Variants in HSBP1 observed in about 807,000 individuals in gnomAD.
The protein encoded by HSBP1 is heat shock factor-binding protein 1.
A neutral mutation model predicts 9.6 loss-of-function variants in HSBP1; 5 were observed. The ratio of observed to expected loss-of-function variants is 0.52; its 90% confidence interval spans 0.27 to 1.09. The LOEUF is 1.09. Among genes scored for constraint, HSBP1 ranks in the 50% least tolerant of loss-of-function variants. HSBP1 has a pLI of 0.11. For missense variants in HSBP1, 121 were observed against 96.3 expected (o/e 1.26, Z -1.07); for synonymous variants, 42 against 33.3 (o/e 1.26, Z -0.90).
rs796984186 is a variant in HSBP1, at chr16:83,819,285, AT to A, written c.*7872del. The A allele has an allele frequency of 8.5e-5, 13 of 152,252 alleles. No homozygotes were observed. The highest frequency in any genetic ancestry group is 3.1e-4 in the African/African-American group (13 of 41,556). 9.4% of individuals were successfully genotyped at this position (152,252 alleles called of 1,614,324 possible). On this transcript the variant is annotated 3_prime_UTR_variant, in exon 4 of 4. Coordinates refer to ENST00000433866, the MANE Select transcript of HSBP1 (RefSeq NM_001537.4). ...TTTTTAATAAATTCCCTCATTTATT[AT>A]TTTTGTGTCTTATTTCCCATACACA...
rs1007449642 is a variant in HSBP1 at position 83,812,380 on chromosome 16, A to G, written c.*962A>G. 1.3e-4 allele frequency: 20 copies of G among 152,196 alleles called. No individual in the cohort carries two copies. The highest frequency in any genetic ancestry group is 4.6e-4 in the African/African-American group (19 of 41,432). 9.4% of individuals were successfully genotyped at this position (152,196 alleles called of 1,614,324 possible). ...CTGTTTCTTATCTAAATTCTTGCAG[A>G]GTGTCAATGTTATCATTGATTATAG... On this transcript the variant is annotated 3_prime_UTR_variant, in exon 4 of 4. Transcript: ENST00000433866.
At chr16:83,808,172 G>C (rs1020598457) in intron 1 of HSBP1, 51 bp downstream of exon 1, 1 of 1,496,324 alleles carries the variant, frequency 6.7e-7, no homozygotes, top group East Asian at 2.5e-5. Context: ...GGGCGGCGCC[G>C]GGCCAAGCCC....
At position 83,814,820 on chromosome 16, in the gene HSBP1, T is replaced by A. The variant is rs1355589537; in HGVS notation, c.*3402T>A. On this transcript the variant is annotated 3_prime_UTR_variant, in exon 4 of 4. Coordinates refer to ENST00000433866, the MANE Select transcript of HSBP1 (RefSeq NM_001537.4). ...AGAACAACAACAGAAACAAATGACATTCCTCAAACATTTGCCCAGAGCACA... is the reference window on the plus strand; with the variant it reads ...AGAACAACAACAGAAACAAATGACAATCCTCAAACATTTGCCCAGAGCACA... The A allele has an allele frequency of 6.6e-6, 1 of 152,170 alleles. No homozygotes were observed. Among genetic ancestry groups the A allele is most frequent in the Non-Finnish European group, 1.5e-5 (1 of 68,032 alleles). 9.4% of individuals were successfully genotyped at this position (152,170 alleles called of 1,614,324 possible). A position where few individuals can be genotyped will look rare whatever the true frequency, so the allele number is the denominator to read the frequency against.
At chr16:83,808,235 C>T (rs770747053) in intron 1 of HSBP1, 114 bp downstream of exon 1, 25 of 911,068 alleles carry the variant, frequency 2.7e-5, no homozygotes, top group Non-Finnish European at 4.1e-5. Flanking sequence ...GCCGAGGCCC[C>T]GTTTCTGGAA....
In HSBP1 at chr16:83,819,601, C is replaced by G. The variant is rs1417244737; in HGVS notation, c.*8183C>G. On this transcript the variant is annotated 3_prime_UTR_variant, in exon 4 of 4. Transcript: ENST00000433866. ...AAAAATCATTTCAACTCTTAAGCCA[C>G]AAAAGGATATCCAATCATTTAAAGC... 1 of 152,076 alleles carries G rather than the reference C, an allele frequency of 6.6e-6. No individual in the cohort carries two copies. The allele number at this position is 152,076 out of a possible 1,614,324, so 9.4% of individuals were successfully genotyped here.
At position 83,808,040 on chromosome 16, in the gene HSBP1, G is replaced by A. The variant is rs749279983; in HGVS notation, c.-37G>A. On this transcript the variant is annotated 5_prime_UTR_variant, in exon 1 of 4. Transcript: ENST00000433866. ...GCGGACAAACGGAAGTGTAGGTTAC[G>A]GTCTGAGACATCACCGCCAAGCTGG... 6.6e-7 allele frequency: 1 copy of A among 1,523,088 alleles called. No homozygotes were observed. The highest frequency in any genetic ancestry group is 8.8e-7 in the Non-Finnish European group (1 of 1,133,248). The allele number at this position is 1,523,088 out of a possible 1,614,324, so 94.3% of individuals were successfully genotyped here.
At position 83,813,010 on chromosome 16, in the gene HSBP1, T is replaced by G. The variant is rs1264276364; in HGVS notation, c.*1592T>G. The G allele has an allele frequency of 6.6e-6, 1 of 152,258 alleles. No homozygotes were observed. The highest frequency in any genetic ancestry group is 1.5e-5 in the Non-Finnish European group (1 of 68,062). 9.4% of individuals were successfully genotyped at this position (152,258 alleles called of 1,614,324 possible). On this transcript the variant is annotated 3_prime_UTR_variant, in exon 4 of 4. Coordinates refer to ENST00000433866, the MANE Select transcript of HSBP1 (RefSeq NM_001537.4). ...ATCCTGCTATGAAGCTTCCTTTGTG[T>G]CAAAAATCTGTTTGGTTTTCAGATG... is the stretch of plus-strand genomic sequence containing the variant.
At chr16:83,808,337 C>T in intron 1 of HSBP1, 1 of 550,808 alleles carries the variant, frequency 1.8e-6, no homozygotes, top group African/African-American at 2.0e-5. Flanking sequence ...CCGACCCCTT[C>T]CAGTAGCCCC....
At chr16:83,809,096 C>G in intron 2 of HSBP1, 1 of 553,420 alleles carries the variant, frequency 1.8e-6, no homozygotes, top group Non-Finnish European at 3.2e-6. Flanking sequence ...TTTAGGGGTT[C>G]CATCACTAGT....
rs1325235864 is a variant in HSBP1, at chr16:83,814,987, C to G, written c.*3569C>G. The G allele has an allele frequency of 6.6e-6, 1 of 151,488 alleles. No homozygotes were observed. Among genetic ancestry groups the G allele is most frequent in the Non-Finnish European group, 1.5e-5 (1 of 67,906 alleles). 9.4% of individuals were successfully genotyped at this position (151,488 alleles called of 1,614,324 possible). ...CGCCACTCCGTGACCTATTAGCTTA[C>G]CATCCTATTGGATTTCACTGTTTTT... On this transcript the variant is annotated 3_prime_UTR_variant, in exon 4 of 4. Transcript: ENST00000433866.
intron 1 of HSBP1, 171 bp from the exon 2 acceptor site, chr16:83,808,509 T>A (rs1904516408): frequency 1.7e-6 from 1 of 600,478 alleles, no homozygotes; most frequent in African/African-American, 1.9e-5. Context: ...GCAGTCTAAT[T>A]GGACAGGTTG....
At chr16:83,808,515 G>C in intron 1 of HSBP1, 165 bp from the exon 2 acceptor site, 1 of 606,664 alleles carries the variant, frequency 1.6e-6, no homozygotes. Flanking sequence ...TAATTGGACA[G>C]GTTGGAAAAC....
Position 83,814,367 on chromosome 16 carries a change from C to A in HSBP1, c.*2949C>A, listed in dbSNP as rs920404153. On this transcript the variant is annotated 3_prime_UTR_variant, in exon 4 of 4. Transcript: ENST00000433866. ...ATATTTAAAGAAAAGGAACCCAAGA[C>A]GGGGAGTCAGGGGCACAAGGTCACA... 1 of 152,274 alleles carries A rather than the reference C, an allele frequency of 6.6e-6. No individual in the cohort carries two copies. The highest frequency in any genetic ancestry group is 2.4e-5 in the African/African-American group (1 of 41,432). 9.4% of individuals were successfully genotyped at this position (152,274 alleles called of 1,614,324 possible).
chr16:83,810,159 G>A (rs1218761983), intron 3 of HSBP1, among the ~76,000 whole-genome samples: 1 of 150,724 alleles, frequency 6.6e-6, no homozygotes, highest in African/African-American at 2.4e-5. Flanking sequence ...CTTCTTAAAT[G>A]GCTTAAATTC....
rs1267452734 is a variant in HSBP1 at position 83,818,010 on chromosome 16, G to A, written c.*6592G>A. 1 of 152,176 alleles carries A rather than the reference G, an allele frequency of 6.6e-6. No individual in the cohort carries two copies. The highest frequency in any genetic ancestry group is 1.5e-5 in the Non-Finnish European group (1 of 68,034). 9.4% of individuals were successfully genotyped at this position (152,176 alleles called of 1,614,324 possible). On this transcript the variant is annotated 3_prime_UTR_variant, in exon 4 of 4. Coordinates refer to ENST00000433866, the MANE Select transcript of HSBP1 (RefSeq NM_001537.4). ...TCAATTAGAACCTGTGTTCGCTGGG[G>A]CCATAATTAAGAATCTTAAAGGGAA...
Position 83,815,888 on chromosome 16 carries a change from T to C in HSBP1, c.*4470T>C, listed in dbSNP as rs1181848529. 6.6e-6 allele frequency: 1 copy of C among 152,202 alleles called. No individual in the cohort carries two copies. The highest frequency in any genetic ancestry group is 1.5e-5 in the Non-Finnish European group (1 of 68,032). The allele number at this position is 152,202 out of a possible 1,614,324, so 9.4% of individuals were successfully genotyped here. A position where few individuals can be genotyped will look rare whatever the true frequency, so the allele number is the denominator to read the frequency against. On this transcript the variant is annotated 3_prime_UTR_variant, in exon 4 of 4. Coordinates refer to ENST00000433866, the MANE Select transcript of HSBP1 (RefSeq NM_001537.4). ...AACAGAATTTGACCATTTAGTCACG[T>C]TGGTCTTGCAAAATGTCCACCTTCC...
rs1353688800 is a variant in HSBP1 at position 83,815,697 on chromosome 16, G to A, written c.*4279G>A. 6.6e-6 allele frequency: 1 copy of A among 152,104 alleles called. No individual in the cohort carries two copies. Among genetic ancestry groups the A allele is most frequent in the East Asian group, 1.9e-4 (1 of 5,184 alleles). The allele number at this position is 152,104 out of a possible 1,614,324, so 9.4% of individuals were successfully genotyped here. On this transcript the variant is annotated 3_prime_UTR_variant, in exon 4 of 4. Coordinates refer to ENST00000433866, the MANE Select transcript of HSBP1 (RefSeq NM_001537.4). ...AATATGTGGCTGTCTCATCAACAGAGCTTCATTTTACCAAAGCATATGTAG... is the reference window on the plus strand; with the variant it reads ...AATATGTGGCTGTCTCATCAACAGAACTTCATTTTACCAAAGCATATGTAG...
At chr16:83,808,863 G>C (rs1904528027) in intron 2 of HSBP1, 117 bp downstream of exon 2, 10 of 757,630 alleles carry the variant, frequency 1.3e-5, no homozygotes, top group South Asian at 1.2e-4. Context: ...TGTAGAATTT[G>C]AGCTTGGATT....
chr16:83,817,956 C>T lies in HSBP1; in HGVS notation c.*6538C>T, dbSNP rs899888451. The T allele has an allele frequency of 6.6e-6, 1 of 152,206 alleles. No individual in the cohort carries two copies. The highest frequency in any genetic ancestry group is 2.1e-4 in the South Asian group (1 of 4,832). The allele number at this position is 152,206 out of a possible 1,614,324, so 9.4% of individuals were successfully genotyped here. On this transcript the variant is annotated 3_prime_UTR_variant, in exon 4 of 4. Transcript: ENST00000433866. Reference sequence around the variant, plus strand: ...ATCAGCCTTTCCCTTTGATAGGTATCTCTCCTGCAAGCCAGGCTCAGGTGC... The same window carrying T: ...ATCAGCCTTTCCCTTTGATAGGTATTTCTCCTGCAAGCCAGGCTCAGGTGC...
Sources: gnomAD v4.1 joint callset for allele counts (sites outside exome capture counted in the v4.1 genomes callset) on GRCh38, gnomAD v4.1.1 for gene constraint, MANE v1.5 for transcripts, NCBI Gene and HGNC (gene_info 2026-07-23, HGNC 2026-07-21) for gene names.